OR2Z1: variants seen among roughly 807,000 people sequenced by gnomAD.
OR2Z1 encodes olfactory receptor family 2 subfamily Z member 1, also known as olfactory receptor 2Z1.
For missense variants in OR2Z1, 449 were observed against 401.8 expected, an observed-to-expected ratio of 1.12 and a Z score of -1.00; for synonymous variants, 188 against 160.6, an observed-to-expected ratio of 1.17 and a Z score of -1.29.
intron 2 of OR2Z1, among the ~76,000 whole-genome samples, chr19:8,724,445 AG>A: frequency 6.6e-6 from 1 of 152,208 alleles, no homozygotes; most frequent in Non-Finnish European, 1.5e-5. Context: ...CATGTTGCTC[AG>A]GCTAGTCCCA....
At chr19:8,729,210 G>T in intron 2 of OR2Z1, 1 of 726,636 alleles carries the variant, frequency 1.4e-6, no homozygotes, top group Non-Finnish European at 2.4e-6. Flanking sequence ...GCCATCTTGT[G>T]AAAAGGGCCC....
Position 8,731,638 on chromosome 19 carries a change from G to T in OR2Z1, c.610G>T (p.Val204Leu), listed in dbSNP as rs1555756809. Reference protein sequence around the residue: ...AYEMALSTSGVLILMLPLSLI... With the variant: ...AYEMALSTSGLLILMLPLSLI... ...CGAGATGGCGCTGTCCACCTCAGGG[G>T]TGCTGATCCTAATGCTCCCTCTTTC... Residue 204 changes from valine (V) to leucine (L), a missense_variant, in exon 3 of 3, where the codon GTG (valine) becomes TTG (leucine). Physicochemically the swap from Val to Leu is conservative, Grantham distance 32. Coordinates refer to ENST00000641125, the MANE Select transcript of OR2Z1 (RefSeq NM_001004699.3). The T allele has an allele frequency of 1.2e-6, 2 of 1,613,982 alleles. No individual in the cohort carries two copies. The highest frequency in any genetic ancestry group is 1.7e-6 in the Non-Finnish European group (2 of 1,180,004).
At chr19:8,725,814 G>A (rs529613561) in intron 2 of OR2Z1, among the ~76,000 whole-genome samples, 37 of 152,292 alleles carry the variant, frequency 2.4e-4, no homozygotes, top group Non-Finnish European at 4.4e-4. Flanking sequence ...AAGAAAATAT[G>A]TTTCACTGGC....
At chr19:8,729,896 AT>A (rs1201572074) in intron 2 of OR2Z1, among the ~76,000 whole-genome samples, 1 of 151,886 alleles carries the variant, frequency 6.6e-6, no homozygotes, top group African/African-American at 2.4e-5. Context: ...GGGCTCCAAG[AT>A]GGGGTCTTGT....
chr19:8,732,115 G>A lies in OR2Z1; in HGVS notation c.*142G>A, dbSNP rs1451535444. 1.4e-5 allele frequency: 9 copies of A among 651,378 alleles called. No homozygotes were observed. The highest frequency in any genetic ancestry group is 1.1e-5 in the Non-Finnish European group (4 of 375,354). 40.3% of individuals were successfully genotyped at this position (651,378 alleles called of 1,614,324 possible). Reference sequence around the variant, plus strand: ...CCAAGGTGCAACTTTTTGAGAAAATGTCTGCCTTTTAAATTGAGGTAGAAT... The same window carrying A: ...CCAAGGTGCAACTTTTTGAGAAAATATCTGCCTTTTAAATTGAGGTAGAAT... On this transcript the variant is annotated 3_prime_UTR_variant, in exon 3 of 3. Coordinates refer to ENST00000641125, the MANE Select transcript of OR2Z1 (RefSeq NM_001004699.3).
chr19:8,725,311 C>T lies in OR2Z1; in HGVS notation c.-170+2161C>T, dbSNP rs141470303. 2.7e-3 allele frequency among the ~76,000 whole-genome samples: 412 copies of T among 152,124 alleles called. 1 individual carries two copies. Among genetic ancestry groups the T allele is most frequent in the African/African-American group, 9.0e-3 (375 of 41,502 alleles). ...AGGCCGGAATACAGTGGAATGATCT[C>T]GGCTCACTGCAACCTCTGCCTCCTG... On this transcript the variant is annotated intron_variant, in intron 2 of 2. Transcript: ENST00000641125.
chr19:8,725,927 T>A (rs2043325356), intron 2 of OR2Z1, among the ~76,000 whole-genome samples: 1 of 152,138 alleles, frequency 6.6e-6, no homozygotes, highest in Admixed American at 6.6e-5. Flanking sequence ...GCAGATGTCT[T>A]ACATGGCAGG....
chr19:8,723,509 G>T (rs1424941818), intron 2 of OR2Z1, among the ~76,000 whole-genome samples: 1 of 152,036 alleles, frequency 6.6e-6, no homozygotes, highest in Non-Finnish European at 1.5e-5. Context: ...TTCTATAACT[G>T]CAGGGCTAAA....
At position 8,731,075 on chromosome 19, in the gene OR2Z1, G is replaced by A; in HGVS notation, c.47G>A (p.Gly16Asp). The A allele has an allele frequency of 6.2e-7, 1 of 1,614,126 alleles. No individual in the cohort carries two copies. The highest frequency in any genetic ancestry group is 8.5e-7 in the Non-Finnish European group (1 of 1,180,022). ...GTGGCCTCAGACTTCATTCTGGTGG[G>A]CCTCTTCAGTCACTCAGGATCACGC... ...QSVASDFILV[G>D]LFSHSGSRQL... Residue 16 changes from glycine (G) to aspartate (D), a missense_variant, in exon 3 of 3, where the codon GGC (glycine) becomes GAC (aspartate). Gly to Asp is a moderately conservative substitution (Grantham distance 94, BLOSUM62 -1). Transcript: ENST00000641125.
chr19:8,730,821 C>G (rs2043349235), intron 2 of OR2Z1, 39 bp from the exon 3 acceptor site: 9 of 595,510 alleles, frequency 1.5e-5, no homozygotes, highest in Non-Finnish European at 2.7e-5. Context: ...CATCCCATGC[C>G]TTGGATAGAC....
At position 8,727,973 on chromosome 19, in the gene OR2Z1, C is replaced by G. The variant is rs10413794; in HGVS notation, c.-169-2887C>G. On this transcript the variant is annotated intron_variant, in intron 2 of 2. Transcript: ENST00000641125. ...CTTGAGCAGGAATGAGAAATAGAAT[C>G]TTATTTTATAAAACATACGAATAAT... Among the ~76,000 whole-genome samples the G allele has an allele frequency of 3.9e-3, 600 of 152,344 alleles. 1 individual carries two copies. The highest frequency in any genetic ancestry group is 0.012 in the African/African-American group (483 of 41,588).
chr19:8,729,046 G>A, intron 2 of OR2Z1: 1 of 1,083,976 alleles, frequency 9.2e-7, no homozygotes, highest in Non-Finnish European at 1.4e-6. Flanking sequence ...TGCCTCCGGA[G>A]TCACAGTGTC....
At chr19:8,730,218 TTC>T (rs2043346011) in intron 2 of OR2Z1, among the ~76,000 whole-genome samples, 1 of 152,166 alleles carries the variant, frequency 6.6e-6, no homozygotes, top group South Asian at 2.1e-4. Context: ...CATCACAGAT[TTC>T]TCTTTGCTTC....
intron 2 of OR2Z1, among the ~76,000 whole-genome samples, chr19:8,729,432 A>C: frequency 6.8e-6 from 1 of 146,338 alleles, no homozygotes. Flanking sequence ...TTTTTCTAAG[A>C]CAAGGTCTTG....
chr19:8,730,771 G>C, intron 2 of OR2Z1, 89 bp from the exon 3 acceptor site: 1 of 541,074 alleles, frequency 1.8e-6, no homozygotes, highest in South Asian at 2.2e-5. Context: ...ATTGGAGTGT[G>C]GCCAAGCGTC....
At position 8,730,923 on chromosome 19, in the gene OR2Z1, A is replaced by G. The variant is rs528679725; in HGVS notation, c.-106A>G. The G allele has an allele frequency of 3.0e-5, 25 of 833,106 alleles. No homozygotes were observed. Among genetic ancestry groups the G allele is most frequent in the Admixed American group, 7.2e-5 (3 of 41,482 alleles). 51.6% of individuals were successfully genotyped at this position (833,106 alleles called of 1,614,324 possible). ...GACACCATCCCAGGAAGCCACTACC[A>G]ATCAATGATGATTGGCATGTGAGAT... On this transcript the variant is annotated 5_prime_UTR_variant, in exon 3 of 3. Coordinates refer to ENST00000641125, the MANE Select transcript of OR2Z1 (RefSeq NM_001004699.3).
At chr19:8,728,085 A>G (rs1013329670) in intron 2 of OR2Z1, among the ~76,000 whole-genome samples, 14 of 151,948 alleles carry the variant, frequency 9.2e-5, no homozygotes, top group African/African-American at 3.4e-4. Context: ...TGAGAGAACC[A>G]CTCCTGTCCT....
chr19:8,726,711 G>T (rs1341316509), intron 2 of OR2Z1, among the ~76,000 whole-genome samples: 1 of 152,160 alleles, frequency 6.6e-6, no homozygotes, highest in South Asian at 2.1e-4. Context: ...TTGAATGCAT[G>T]GATGAATGGT....
chr19:8,727,474 C>A (rs1172897729), intron 2 of OR2Z1, among the ~76,000 whole-genome samples: 1 of 152,116 alleles, frequency 6.6e-6, no homozygotes, highest in Non-Finnish European at 1.5e-5. Context: ...TTAATGGGTG[C>A]AGCACACCAA....
Sources: allele counts gnomAD v4.1 joint callset (sites outside exome capture counted in the v4.1 genomes callset), GRCh38; gene constraint gnomAD v4.1.1; transcripts MANE v1.5; gene names NCBI Gene and HGNC (gene_info 2026-07-23, HGNC 2026-07-21).